Variants in GYPC observed in about 807,000 individuals in gnomAD.
GYPC encodes glycophorin C (Gerbich blood group).
In GYPC, 14 loss-of-function variants were observed where a neutral mutation model predicts 12.6. That is an observed-to-expected ratio of 1.11 (90% CI 0.74 to 1.74). GYPC has a LOEUF of 1.74. Ranked by LOEUF, GYPC falls within the 40% of genes most tolerant of loss-of-function variation. The pLI, the probability that GYPC is intolerant of heterozygous loss-of-function variation, is 0.00. For missense variants in GYPC, 225 were observed against 172.1 expected (o/e 1.31, Z -1.72); for synonymous variants, 78 against 62.1 (o/e 1.26, Z -1.20).
At chr2:126,670,014 T>G (rs1196462258) in intron 1 of GYPC, among the ~76,000 whole-genome samples, 1 of 152,180 alleles carries the variant, frequency 6.6e-6, no homozygotes, top group African/African-American at 2.4e-5. Context: ...GATGAAAGGA[T>G]GAAAGGCTGG....
intron 1 of GYPC, among the ~76,000 whole-genome samples, chr2:126,679,438 C>A (rs1476215564): frequency 6.6e-6 from 1 of 152,012 alleles, no homozygotes; most frequent in Non-Finnish European, 1.5e-5. Context: ...TATCCAGCAT[C>A]TGAGAGGCAG....
intron 1 of GYPC, among the ~76,000 whole-genome samples, chr2:126,666,157 G>C (rs919126128): frequency 6.6e-6 from 1 of 152,212 alleles, no homozygotes; most frequent in Non-Finnish European, 1.5e-5. Context: ...GTACACAAGG[G>C]CTGGGTTGTG....
intron 1 of GYPC, among the ~76,000 whole-genome samples, chr2:126,669,059 A>G (rs1198003799): frequency 1.3e-5 from 2 of 152,240 alleles, no homozygotes; most frequent in African/African-American, 4.8e-5. Context: ...TTTCTAGCTA[A>G]TAGGAAATTA....
intron 1 of GYPC, among the ~76,000 whole-genome samples, chr2:126,669,526 T>C (rs1238124362): frequency 6.6e-6 from 1 of 152,210 alleles, no homozygotes; most frequent in East Asian, 1.9e-4. Flanking sequence ...AAGCAGGCTG[T>C]CGAGTACATT....
At chr2:126,692,833 C>G (rs1683513818) in intron 2 of GYPC, among the ~76,000 whole-genome samples, 1 of 152,132 alleles carries the variant, frequency 6.6e-6, no homozygotes, top group South Asian at 2.1e-4. Flanking sequence ...AGGGCTTCTC[C>G]AAGAGAGAAA....
intron 1 of GYPC, among the ~76,000 whole-genome samples, chr2:126,664,314 G>C (rs28387105): frequency 6.6e-6 from 1 of 151,958 alleles, no homozygotes; most frequent in Non-Finnish European, 1.5e-5. Flanking sequence ...CCACTCCACA[G>C]ACGCCATCTC....
chr2:126,682,822 C>T (rs1351324130), intron 1 of GYPC, among the ~76,000 whole-genome samples: 1 of 152,220 alleles, frequency 6.6e-6, no homozygotes, highest in Non-Finnish European at 1.5e-5. Flanking sequence ...CCCTCCAGTC[C>T]CTACCCATCT....
intron 1 of GYPC, among the ~76,000 whole-genome samples, chr2:126,660,337 G>A (rs1227577533): frequency 6.6e-6 from 1 of 152,228 alleles, no homozygotes; most frequent in African/African-American, 2.4e-5. Flanking sequence ...TTAGCAGCTG[G>A]CTCGGGGTGG....
intron 1 of GYPC, among the ~76,000 whole-genome samples, chr2:126,661,037 A>G (rs1682520376): frequency 6.6e-6 from 1 of 152,176 alleles, no homozygotes. Flanking sequence ...ATTTTTCTAC[A>G]TTCTTCCAGA....
intron 1 of GYPC, among the ~76,000 whole-genome samples, chr2:126,688,553 T>C (rs1033541498): frequency 2.6e-5 from 4 of 152,322 alleles, no homozygotes; most frequent in East Asian, 1.9e-4. Flanking sequence ...TGAGAAGCAC[T>C]GTGAATGCTG....
At position 126,695,953 on chromosome 2, in the gene GYPC, T is replaced by G. The variant is rs1173093719; in HGVS notation, c.198T>G (p.Ile66Met). The G allele has an allele frequency of 1.9e-6, 3 of 1,613,864 alleles. No homozygotes were observed. The highest frequency in any genetic ancestry group is 2.5e-6 in the Non-Finnish European group (3 of 1,179,852). ...IMDIVVIAGV[I>M]AAVAIVLVSL... ...ACCTCTTCCCACCTGCAGGTGTGAT[T>G]GCTGCTGTGGCCATCGTCCTAGTCT... Residue 66 changes from isoleucine to methionine, a missense_variant, in exon 4 of 4, where the codon ATT (isoleucine) becomes ATG (methionine). Physicochemically the swap from Ile to Met is conservative, Grantham distance 10. Transcript: ENST00000259254.
At chr2:126,688,579 C>G (rs556940414) in intron 1 of GYPC, among the ~76,000 whole-genome samples, 2 of 152,316 alleles carry the variant, frequency 1.3e-5, no homozygotes, top group South Asian at 2.1e-4. Flanking sequence ...TCTACCCTGC[C>G]TGGTTCCTGG....
intron 3 of GYPC, among the ~76,000 whole-genome samples, chr2:126,695,269 A>C (rs189560569): frequency 1.3e-5 from 2 of 152,216 alleles, no homozygotes; most frequent in Non-Finnish European, 2.9e-5. Context: ...GAAAATCTCC[A>C]AACAAGGTTC....
At chr2:126,686,503 G>T in intron 1 of GYPC, 7 of 985,490 alleles carry the variant, frequency 7.1e-6, no homozygotes, top group Non-Finnish European at 8.4e-6. Flanking sequence ...TGAGCATAGT[G>T]AAGGCTGCAG....
chr2:126,693,950 G>T lies in GYPC; in HGVS notation c.190+3G>T, dbSNP rs1018822123. 4 of 1,595,824 alleles carry T rather than the reference G, an allele frequency of 2.5e-6. No individual in the cohort carries two copies. Among genetic ancestry groups the T allele is most frequent in the Non-Finnish European group, 3.4e-6 (4 of 1,163,338 alleles). ...AATGGACATTGTCGTCATTGCAGGTGAGCTCTCATCACAGAGCCCTTCAAG... is the reference window on the plus strand; with the variant it reads ...AATGGACATTGTCGTCATTGCAGGTTAGCTCTCATCACAGAGCCCTTCAAG... On this transcript the variant is annotated splice_donor_region_variant and intron_variant, in intron 3 of 3. Coordinates refer to ENST00000259254, the MANE Select transcript of GYPC (RefSeq NM_002101.5).
intron 1 of GYPC, among the ~76,000 whole-genome samples, chr2:126,662,455 G>T (rs1261597896): frequency 6.6e-6 from 1 of 152,164 alleles, no homozygotes; most frequent in Non-Finnish European, 1.5e-5. Flanking sequence ...TAGTGATAAA[G>T]GGTTAGCTTT....
intron 1 of GYPC, among the ~76,000 whole-genome samples, chr2:126,684,057 A>G (rs1478924693): frequency 6.6e-6 from 1 of 152,208 alleles, no homozygotes; most frequent in Non-Finnish European, 1.5e-5. Flanking sequence ...GATAAGGGTT[A>G]GGAGGAGGAA....
intron 1 of GYPC, among the ~76,000 whole-genome samples, chr2:126,666,186 G>A (rs1408092052): frequency 6.6e-6 from 1 of 152,186 alleles, no homozygotes; most frequent in Non-Finnish European, 1.5e-5. Context: ...GCCAGCCCAG[G>A]CCAACCCACT....
At chr2:126,682,380 C>A (rs1016308883) in intron 1 of GYPC, among the ~76,000 whole-genome samples, 2 of 152,122 alleles carry the variant, frequency 1.3e-5, no homozygotes, top group African/African-American at 4.8e-5. Flanking sequence ...ATGGACCAGA[C>A]CCCGGCACAA....
Sources: allele counts gnomAD v4.1 joint callset (sites outside exome capture counted in the v4.1 genomes callset), GRCh38; gene constraint gnomAD v4.1.1; transcripts MANE v1.5; gene names NCBI Gene and HGNC (gene_info 2026-07-23, HGNC 2026-07-21).